The following LRP6 variants were observed in gnomAD, a reference collection of about 807,000 sequenced individuals.
LRP6 encodes LDL receptor related protein 6, also known as low-density lipoprotein receptor-related protein 6.
A neutral mutation model predicts 184.1 loss-of-function variants in LRP6; 43 were observed. That is an observed-to-expected ratio of 0.23 (90% CI 0.18 to 0.30). The LOEUF (loss-of-function observed/expected upper bound fraction) is 0.30. Among genes scored for constraint, LRP6 ranks in the 10% least tolerant of loss-of-function variants. The probability of loss-of-function intolerance (pLI) is 1.00; values close to 1 mark genes in which losing one functional copy is unlikely to be tolerated. For synonymous variants in LRP6, 719 were observed against 684.9 expected (o/e 1.05, Z -0.78); for missense variants, 1,571 against 2,005.3 (o/e 0.78, Z 4.14).
At chr12:12,180,910 C>A in intron 6 of LRP6, 133 bp downstream of exon 6, 1 of 940,238 alleles carries the variant, frequency 1.1e-6, no homozygotes. Flanking sequence ...TCACCATATC[C>A]TAAAATAGAC....
chr12:12,218,284 G>A (rs1292354614), intron 2 of LRP6, among the ~76,000 whole-genome samples: 1 of 151,946 alleles, frequency 6.6e-6, no homozygotes, highest in Non-Finnish European at 1.5e-5. Context: ...ACCAGCCTGG[G>A]CAACATAACG....
chr12:12,197,562 AT>A (rs1863797219), intron 3 of LRP6, among the ~76,000 whole-genome samples: 1 of 152,250 alleles, frequency 6.6e-6, no homozygotes, highest in Non-Finnish European at 1.5e-5. Context: ...GTAACTTTCC[AT>A]TAAAATATGG....
At chr12:12,134,053 G>A (rs1565540416) in intron 17 of LRP6, among the ~76,000 whole-genome samples, 1 of 151,888 alleles carries the variant, frequency 6.6e-6, no homozygotes, top group Non-Finnish European at 1.5e-5. Context: ...AATCCCCTAC[G>A]GTCCAAGCAC....
intron 1 of LRP6, among the ~76,000 whole-genome samples, chr12:12,245,996 CTTTTTTTTTT>C (rs71061029): frequency 1.1e-5 from 1 of 90,186 alleles, no homozygotes; most frequent in South Asian, 4.3e-4. Flanking sequence ...TTTATATAAA[CTTTTTTTTTT>C]TTTTTTTTTT....
At chr12:12,166,656 A>T (rs1369192577) in intron 7 of LRP6, among the ~76,000 whole-genome samples, 1 of 152,228 alleles carries the variant, frequency 6.6e-6, no homozygotes, top group Admixed American at 6.5e-5. Flanking sequence ...GATGCCCAAT[A>T]TTAAACTTTT....
intron 2 of LRP6, among the ~76,000 whole-genome samples, chr12:12,215,403 G>T (rs988035188): frequency 1.3e-5 from 2 of 152,000 alleles, no homozygotes; most frequent in African/African-American, 4.8e-5. Flanking sequence ...GCCTTAATCA[G>T]TAAGGACTAA....
intron 1 of LRP6, among the ~76,000 whole-genome samples, chr12:12,253,129 T>C (rs1865365728): frequency 6.6e-6 from 1 of 152,130 alleles, no homozygotes. Context: ...CAGGGCGTGG[T>C]GGCGCGTGCC....
chr12:12,192,826 G>C (rs1863652179), intron 3 of LRP6, among the ~76,000 whole-genome samples: 1 of 151,924 alleles, frequency 6.6e-6, no homozygotes, highest in South Asian at 2.1e-4. Context: ...CTAAAGGAAA[G>C]AACAACTAGA....
intron 18 of LRP6, among the ~76,000 whole-genome samples, chr12:12,131,348 T>C (rs1180788986): frequency 6.6e-6 from 1 of 152,032 alleles, no homozygotes; most frequent in Non-Finnish European, 1.5e-5. Flanking sequence ...GACCTCGTGA[T>C]CCGCCCGCCT....
At chr12:12,211,143 T>A (rs1276900934) in intron 2 of LRP6, 1 of 152,152 alleles carries the variant, frequency 6.6e-6, no homozygotes, top group African/African-American at 2.4e-5. Context: ...AGTAACCAGA[T>A]AAAAGAGTCT....
At chr12:12,239,718 T>TA (rs1489953607) in intron 2 of LRP6, among the ~76,000 whole-genome samples, 1 of 151,876 alleles carries the variant, frequency 6.6e-6, no homozygotes, top group African/African-American at 2.4e-5. Context: ...CTTTTCTTTA[T>TA]AATCACCAAG....
chr12:12,232,004 A>AAAAAAC (rs71061025), intron 2 of LRP6, among the ~76,000 whole-genome samples: 17,167 of 150,566 alleles, frequency 0.11, 1,116 homozygotes, highest in Non-Finnish European at 0.14. Flanking sequence ...GCCTCAAAAA[A>AAAAAAC]AAAAACAAAA....
At chr12:12,197,724 GACC>G (rs1222155036) in intron 3 of LRP6, among the ~76,000 whole-genome samples, 4 of 152,120 alleles carry the variant, frequency 2.6e-5, no homozygotes, top group South Asian at 2.1e-4. Flanking sequence ...TATTAATTAT[GACC>G]ACAACAATGT....
At chr12:12,214,012 T>C (rs1313997572) in intron 2 of LRP6, among the ~76,000 whole-genome samples, 5 of 152,160 alleles carry the variant, frequency 3.3e-5, no homozygotes, top group Non-Finnish European at 7.4e-5. Flanking sequence ...TCTGATCTGG[T>C]TGCAGGACAG....
At position 12,135,259 on chromosome 12, in the gene LRP6, T is replaced by C. The variant is rs746686979; in HGVS notation, c.3649A>G (p.Ile1217Val). The change falls in exon 17 of 23, where the codon ATT (isoleucine) becomes GTT (valine). Residue 1217 changes from isoleucine to valine, a missense_variant. This residue lies in a region of LRP6 where 763 missense variants were observed against 859.5 expected (regional missense o/e 0.89). Transcript: ENST00000261349. ...CAQDNGGCSH[I>V]CLVKGDGTTR... ...GTACCATCCCCCTTTACAAGACAAATATGTGAACAGCCACCATTATCCTGA... is the reference window on the plus strand; with the variant it reads ...GTACCATCCCCCTTTACAAGACAAACATGTGAACAGCCACCATTATCCTGA... 3 of 1,612,566 alleles carry C rather than the reference T, an allele frequency of 1.9e-6. No individual in the cohort carries two copies. Among genetic ancestry groups the C allele is most frequent in the East Asian group, 4.5e-5 (2 of 44,778 alleles).
intron 2 of LRP6, among the ~76,000 whole-genome samples, chr12:12,237,745 T>C (rs1864961480): frequency 6.6e-6 from 1 of 152,216 alleles, no homozygotes; most frequent in Non-Finnish European, 1.5e-5. Context: ...GACTGGCCAA[T>C]AATCTTCAAA....
At chr12:12,179,363 G>GATATAT (rs200462176) in intron 7 of LRP6, among the ~76,000 whole-genome samples, 1,994 of 11,568 alleles carry the variant, frequency 0.17, 42 homozygotes, top group East Asian at 0.39. Context: ...AGCAATAAAA[G>GATATAT]ATATAGATAT....
At chr12:12,227,210 A>G (rs948141568) in intron 2 of LRP6, among the ~76,000 whole-genome samples, 6 of 152,182 alleles carry the variant, frequency 3.9e-5, no homozygotes, top group Admixed American at 1.3e-4. Flanking sequence ...TTATCCTTAA[A>G]AAGTGAAGGA....
chr12:12,220,602 T>C (rs987136331), intron 2 of LRP6, among the ~76,000 whole-genome samples: 1 of 146,910 alleles, frequency 6.8e-6, no homozygotes, highest in Non-Finnish European at 1.5e-5. Flanking sequence ...TTTCTTAGTT[T>C]TTTTTTTTTT....
Sources: allele counts gnomAD v4.1 joint callset (sites outside exome capture counted in the v4.1 genomes callset), GRCh38; gene constraint gnomAD v4.1.1; regional missense constraint gnomAD v4.1.1; transcripts MANE v1.5; gene names NCBI Gene and HGNC (gene_info 2026-07-23, HGNC 2026-07-21).